Variants in CATSPERE observed in about 807,000 individuals in gnomAD.
The protein encoded by CATSPERE is cation channel sperm-associated auxiliary subunit epsilon.
In CATSPERE, 93 loss-of-function variants were observed where a neutral mutation model predicts 114.1. The observed-to-expected ratio is 0.81, with a 90% confidence interval of 0.69 to 0.97. The LOEUF is 0.97. Ranked by LOEUF, CATSPERE falls within the 50% of genes least tolerant of loss-of-function variation. CATSPERE has a pLI of 0.00. For synonymous variants in CATSPERE, 341 were observed against 384.1 expected, an observed-to-expected ratio of 0.89 and a Z score of 1.31; for missense variants, 1,058 against 1,131.6, an observed-to-expected ratio of 0.93 and a Z score of 0.93.
chr1:244,591,596 G>C, intron 14 of CATSPERE, 85 bp from the exon 15 acceptor site: 1 of 749,874 alleles, frequency 1.3e-6, no homozygotes, highest in Non-Finnish European at 2.2e-6. Context: ...TCTCCTGTTT[G>C]AGAATCACTG....
intron 8 of CATSPERE, among the ~76,000 whole-genome samples, chr1:244,542,108 G>A (rs868499330): frequency 6.7e-6 from 1 of 149,542 alleles, no homozygotes; most frequent in South Asian, 2.1e-4. Context: ...GTATACATAT[G>A]TAACAAACCT....
At chr1:244,603,935 G>A (rs1179062355) in intron 17 of CATSPERE, among the ~76,000 whole-genome samples, 2 of 152,210 alleles carry the variant, frequency 1.3e-5, no homozygotes, top group Non-Finnish European at 2.9e-5. Flanking sequence ...AGGGGTTATA[G>A]TGAGCTATGA....
chr1:244,564,656 A>G (rs1558505338), intron 10 of CATSPERE, among the ~76,000 whole-genome samples: 1 of 152,188 alleles, frequency 6.6e-6, no homozygotes, highest in African/African-American at 2.4e-5. Flanking sequence ...GGTTCAGACA[A>G]TGGGGTTTTC....
intron 9 of CATSPERE, among the ~76,000 whole-genome samples, chr1:244,555,005 T>C (rs2148509726): frequency 6.6e-6 from 1 of 152,236 alleles, no homozygotes; most frequent in African/African-American, 2.4e-5. Flanking sequence ...TTACATCACA[T>C]CCACAGAATG....
At chr1:244,487,629 G>C (rs553699595) in intron 5 of CATSPERE, among the ~76,000 whole-genome samples, 1 of 152,106 alleles carries the variant, frequency 6.6e-6, no homozygotes, top group South Asian at 2.1e-4. Context: ...GCCCTACCCC[G>C]ACAATCCCCC....
At chr1:244,539,971 T>G (rs1025349496) in intron 8 of CATSPERE, among the ~76,000 whole-genome samples, 21 of 151,930 alleles carry the variant, frequency 1.4e-4, no homozygotes, top group African/African-American at 5.1e-4. Context: ...TGTCTCTATT[T>G]CCTTCAGTTC....
chr1:244,533,351 C>T (rs999293617), intron 8 of CATSPERE, among the ~76,000 whole-genome samples: 4 of 152,088 alleles, frequency 2.6e-5, no homozygotes, highest in East Asian at 1.9e-4. Flanking sequence ...AGTCCATTTA[C>T]ATCCAGTGTT....
At chr1:244,483,531 C>G (rs779432866) in intron 5 of CATSPERE, among the ~76,000 whole-genome samples, 3 of 152,064 alleles carry the variant, frequency 2.0e-5, no homozygotes, top group African/African-American at 7.2e-5. Context: ...CTACTAGGTA[C>G]GAAATTATGT....
intron 17 of CATSPERE, among the ~76,000 whole-genome samples, chr1:244,602,531 T>C (rs763145619): frequency 6.6e-6 from 1 of 152,138 alleles, no homozygotes; most frequent in Non-Finnish European, 1.5e-5. Context: ...AAAAGGACAA[T>C]AGACTGACTG....
rs142173634 is a variant in CATSPERE, at chr1:244,604,157, C to G, written c.2304-1538C>G. On this transcript the variant is annotated intron_variant, in intron 17 of 21. Transcript: ENST00000366534. Reference sequence around the variant, plus strand: ...TATGCCTGCACATGTGTGCATTTGTCTGTTGCGAAAGGGTCCCAGAGCTCT... The same window carrying G: ...TATGCCTGCACATGTGTGCATTTGTGTGTTGCGAAAGGGTCCCAGAGCTCT... 2.5e-3 allele frequency among the ~76,000 whole-genome samples: 378 copies of G among 152,336 alleles called. 4 individuals are homozygous for G. Among genetic ancestry groups the G allele is most frequent in the East Asian group, 0.013 (70 of 5,188 alleles).
chr1:244,469,010 C>G (rs933881396), intron 2 of CATSPERE, among the ~76,000 whole-genome samples: 1 of 152,202 alleles, frequency 6.6e-6, no homozygotes, highest in African/African-American at 2.4e-5. Context: ...AAATCCTTCT[C>G]TACTCTGTGT....
At chr1:244,559,921 T>A (rs899186568) in intron 9 of CATSPERE, among the ~76,000 whole-genome samples, 1 of 152,254 alleles carries the variant, frequency 6.6e-6, no homozygotes, top group Non-Finnish European at 1.5e-5. Flanking sequence ...TTTAATATAT[T>A]TCTATGCCTG....
rs969240026 is a variant in CATSPERE at position 244,575,350 on chromosome 1, C to T, written c.1950+2578C>T. On this transcript the variant is annotated intron_variant, in intron 11 of 21. Coordinates refer to ENST00000366534, the MANE Select transcript of CATSPERE (RefSeq NM_001130957.2). This position sits in a 1 kb window ranked among gnomAD's most constrained non-coding sequence, Gnocchi z 4.5. The stretch of plus-strand genomic sequence containing the variant: ...CACCAGTCCTTGACCTCTTCTTCCA[C>T]GCAGAGCCAGGCTAGGGAGAGGGAC... Among the ~76,000 whole-genome samples, 4 of 152,194 alleles carry T rather than the reference C, an allele frequency of 2.6e-5. No homozygotes were observed. Among genetic ancestry groups the T allele is most frequent in the African/African-American group, 4.8e-5 (2 of 41,446 alleles).
At chr1:244,461,587 G>A (rs919450059) in intron 1 of CATSPERE, 93 bp downstream of exon 1, 1 of 1,037,168 alleles carries the variant, frequency 9.6e-7, no homozygotes, top group Non-Finnish European at 1.3e-6. Flanking sequence ...CATGCGCCTC[G>A]GGACCGCTCG....
At position 244,477,571 on chromosome 1, in the gene CATSPERE, A is replaced by G. The variant is rs570001445; in HGVS notation, c.145A>G (p.Thr49Ala). 6.2e-7 allele frequency: 1 copy of G among 1,601,614 alleles called. No individual in the cohort carries two copies. The highest frequency in any genetic ancestry group is 1.3e-5 in the African/African-American group (1 of 74,734). Residue 49 changes from threonine to alanine, a missense_variant, in exon 3 of 22, where the codon ACT becomes GCT. By Grantham distance (58) the Thr-to-Ala change is moderately conservative. This residue lies in a region of CATSPERE where 271 missense variants were observed against 225.9 expected (regional missense o/e 1.20). Coordinates refer to ENST00000366534, the MANE Select transcript of CATSPERE (RefSeq NM_001130957.2). ...GTTAGAGTATGAAGGAACATTATTTACTGAGTGGAGTGTGCCAGAAACTTG... is the reference window on the plus strand; with the variant it reads ...GTTAGAGTATGAAGGAACATTATTTGCTGAGTGGAGTGTGCCAGAAACTTG... Reference protein sequence around the residue: ...IKLEYEGTLFTEWSVPETCFV... With the variant: ...IKLEYEGTLFAEWSVPETCFV...
rs1486108999 is a variant in CATSPERE at position 244,504,150 on chromosome 1, A to G, written c.429+5071A>G. Among the ~76,000 whole-genome samples, 1 of 152,226 alleles carries G rather than the reference A, an allele frequency of 6.6e-6. No individual in the cohort carries two copies. Among genetic ancestry groups the G allele is most frequent in the African/African-American group, 2.4e-5 (1 of 41,464 alleles). On this transcript the variant is annotated intron_variant, in intron 7 of 21. Transcript: ENST00000366534. The surrounding 1 kb of genome is among the most constrained non-coding windows in gnomAD (Gnocchi z 4.1). ...CTCTGTTCACCATGTTTAACAAATAAAAGAGCACACAAATATCCAGCTATT... is the reference window on the plus strand; with the variant it reads ...CTCTGTTCACCATGTTTAACAAATAGAAGAGCACACAAATATCCAGCTATT...
intron 7 of CATSPERE, among the ~76,000 whole-genome samples, chr1:244,503,859 C>T (rs1318652693): frequency 6.6e-6 from 1 of 152,196 alleles, no homozygotes; most frequent in African/African-American, 2.4e-5. Context: ...GTGGGAGCCA[C>T]TGCACCTAGA....
intron 1 of CATSPERE, among the ~76,000 whole-genome samples, chr1:244,454,805 G>A (rs891512432): frequency 2.0e-5 from 3 of 152,084 alleles, no homozygotes; most frequent in African/African-American, 7.2e-5. Context: ...GGATAGATGG[G>A]TGTCACAGGA....
rs200098696 is a variant in CATSPERE, at chr1:244,498,857, C to A, written c.352-145C>A. The A allele has an allele frequency of 1.4e-3, 675 of 486,060 alleles. 8 individuals carry two copies. The highest frequency in any genetic ancestry group is 0.012 in the East Asian group (294 of 24,468). 30.1% of individuals were successfully genotyped at this position (486,060 alleles called of 1,614,324 possible). ...AGGTTGCAGTGAGCTGAGATTGCAC[C>A]CCTGCACTCCAGCCTGGGCGACAGA... On this transcript the variant is annotated intron_variant, in intron 6 of 21. Coordinates refer to ENST00000366534, the MANE Select transcript of CATSPERE (RefSeq NM_001130957.2).
Sources: allele counts gnomAD v4.1 joint callset (sites outside exome capture counted in the v4.1 genomes callset), GRCh38; gene constraint gnomAD v4.1.1; regional missense constraint gnomAD v4.1.1; non-coding constraint Gnocchi (gnomAD v3.1); transcripts MANE v1.5; gene names NCBI Gene and HGNC (gene_info 2026-07-23, HGNC 2026-07-21).